Variants in STK3 observed in about 807,000 individuals in gnomAD.
The protein encoded by STK3 is serine/threonine-protein kinase 3.
STK3 carries 41 observed loss-of-function variants against 58.0 expected under a neutral mutation model. The observed-to-expected ratio is 0.71, with a 90% CI of 0.55 to 0.92. The LOEUF (loss-of-function observed/expected upper bound fraction) is 0.92, where lower values mean the gene tolerates loss of function less well. Ranked by LOEUF, STK3 falls within the 40% of genes least tolerant of loss-of-function variation. STK3 has a pLI of 0.00. For synonymous variants in STK3, 170 were observed against 191.0 expected (o/e 0.89, Z 0.91); for missense variants, 479 against 602.7 (o/e 0.79, Z 2.15).
intron 1 of STK3, among the ~76,000 whole-genome samples, chr8:98,819,642 T>A (rs1197558844): frequency 2.6e-5 from 4 of 152,220 alleles, no homozygotes; most frequent in Non-Finnish European, 5.9e-5. Context: ...TCCACTTGCC[T>A]ACCTCTAGAA....
At chr8:98,444,347 AGAG>A (rs1818841858) in intron 1 of STK3, among the ~76,000 whole-genome samples, 1 of 152,198 alleles carries the variant, frequency 6.6e-6, no homozygotes. Context: ...CCCTGGTCAG[AGAG>A]GCTTTAATGA....
At chr8:98,793,109 A>G (rs1045070843) in intron 1 of STK3, among the ~76,000 whole-genome samples, 1 of 152,140 alleles carries the variant, frequency 6.6e-6, no homozygotes, top group African/African-American at 2.4e-5. Context: ...TCTCACTGAT[A>G]TGTGGGAGCT....
intron 3 of STK3, among the ~76,000 whole-genome samples, chr8:98,419,675 T>C (rs1365999232): frequency 6.6e-6 from 1 of 152,088 alleles, no homozygotes; most frequent in Non-Finnish European, 1.5e-5. Flanking sequence ...TTGGGAGAAA[T>C]GGATGCAGGA....
At chr8:98,574,955 A>T (rs1178240122) in intron 8 of STK3, among the ~76,000 whole-genome samples, 1 of 151,976 alleles carries the variant, frequency 6.6e-6, no homozygotes, top group Non-Finnish European at 1.5e-5. Flanking sequence ...CTTTTTTTTT[A>T]AACAGAACTA....
chr8:98,791,982 G>A (rs1350537499), intron 1 of STK3, among the ~76,000 whole-genome samples: 1 of 152,176 alleles, frequency 6.6e-6, no homozygotes, highest in Non-Finnish European at 1.5e-5. Context: ...AAACTAAAGA[G>A]CTTTTGCACG....
chr8:98,682,413 A>C (rs1823703611), intron 6 of STK3, among the ~76,000 whole-genome samples: 1 of 152,200 alleles, frequency 6.6e-6, no homozygotes. Flanking sequence ...ACAGAATGTA[A>C]GAGATTCACG....
intron 6 of STK3, among the ~76,000 whole-genome samples, chr8:98,653,170 T>G (rs1369697067): frequency 6.6e-6 from 1 of 152,166 alleles, no homozygotes; most frequent in Non-Finnish European, 1.5e-5. Flanking sequence ...AACTCAGGAT[T>G]AAGACACTCA....
At chr8:98,492,390 A>T (rs1018603242) in intron 10 of STK3, among the ~76,000 whole-genome samples, 1 of 152,226 alleles carries the variant, frequency 6.6e-6, no homozygotes, top group Non-Finnish European at 1.5e-5. Context: ...GGAGTGTGTT[A>T]GAAGTATATT....
chr8:98,355,152 G>GA, the STK3 span, among the ~76,000 whole-genome samples: 1 of 152,136 alleles, frequency 6.6e-6, no homozygotes, highest in Admixed American at 6.5e-5. Context: ...AACCTCTGTG[G>GA]TAGACACTTT....
intron 2 of STK3, among the ~76,000 whole-genome samples, chr8:98,373,293 C>G (rs1817632157): frequency 6.6e-6 from 1 of 152,216 alleles, no homozygotes; most frequent in African/African-American, 2.4e-5. Context: ...TCTCTACCCT[C>G]CTGTAACAGG....
At chr8:98,658,064 A>G (rs1821680442) in intron 6 of STK3, among the ~76,000 whole-genome samples, 1 of 152,126 alleles carries the variant, frequency 6.6e-6, no homozygotes, top group South Asian at 2.1e-4. Context: ...ATCACTGTAT[A>G]CCTTAAACAT....
chr8:98,618,572 C>G lies in STK3; in HGVS notation c.685-22403G>C, dbSNP rs1284718443. ...TTGTTTATCTAGAAAACCCCATTGT[C>G]TCAGCCCAAAATCTCCTTAAGCTGA... On this transcript the variant is annotated intron_variant, in intron 6 of 10. Coordinates refer to ENST00000419617, the MANE Select transcript of STK3 (RefSeq NM_006281.4). 6.1e-5 allele frequency among the ~76,000 whole-genome samples: 9 copies of G among 148,338 alleles called. No homozygotes were observed. The South Asian group carries it at 8.9e-4, about 15-fold the overall frequency.
At chr8:98,370,121 A>T (rs193128709), downstream of STK3, among the ~76,000 whole-genome samples, 322 of 147,080 alleles carry the variant, frequency 2.2e-3, 2 homozygotes, top group South Asian at 0.016. Flanking sequence ...CAAGCTGGGA[A>T]GCAGCAACAG....
chr8:98,665,493 G>T (rs996656313), intron 6 of STK3, among the ~76,000 whole-genome samples: 1 of 151,826 alleles, frequency 6.6e-6, no homozygotes, highest in Non-Finnish European at 1.5e-5. Context: ...GTCTTCCCAG[G>T]CTCAAGCAAT....
At chr8:98,756,353 C>T (rs545211012) in intron 3 of STK3, among the ~76,000 whole-genome samples, 2 of 152,084 alleles carry the variant, frequency 1.3e-5, no homozygotes, top group African/African-American at 4.8e-5. Flanking sequence ...CAGAACAAAT[C>T]ACGGTCAAAG....
chr8:98,852,840 A>G (rs1456915332), intron 3 of STK3, among the ~76,000 whole-genome samples: 1 of 152,112 alleles, frequency 6.6e-6, no homozygotes, highest in Non-Finnish European at 1.5e-5. Context: ...TCAAGGGACC[A>G]TTTTTTCCAG....
At chr8:98,900,242 A>C (rs1187039077) in intron 1 of STK3, among the ~76,000 whole-genome samples, 1 of 151,844 alleles carries the variant, frequency 6.6e-6, no homozygotes, top group Admixed American at 6.6e-5. Flanking sequence ...ACACCCGGCT[A>C]ATTTTTGTTT....
intron 6 of STK3, among the ~76,000 whole-genome samples, chr8:98,658,868 T>C (rs1234284968): frequency 1.3e-5 from 2 of 152,120 alleles, no homozygotes; most frequent in Non-Finnish European, 1.5e-5. Flanking sequence ...CACACTGACC[T>C]GTTTATGTTA....
chr8:98,579,332 G>C (rs1485405959), intron 8 of STK3, among the ~76,000 whole-genome samples: 2 of 152,012 alleles, frequency 1.3e-5, no homozygotes, highest in Non-Finnish European at 2.9e-5. Context: ...AGCATAGCTG[G>C]TGACCAGTTA....
Sources: gnomAD v4.1 joint callset for allele counts (sites outside exome capture counted in the v4.1 genomes callset) on GRCh38, gnomAD v4.1.1 for gene constraint, MANE v1.5 for transcripts, NCBI Gene and HGNC (gene_info 2026-07-23, HGNC 2026-07-21) for gene names.